Variants in GRAMD1B observed in about 807,000 individuals in gnomAD.
GRAMD1B encodes protein Aster-B.
GRAMD1B carries 37 observed loss-of-function variants against 99.7 expected under a neutral mutation model. The ratio of observed to expected loss-of-function variants is 0.37; its 90% CI spans 0.29 to 0.49. The LOEUF is 0.49. Ranked by LOEUF, GRAMD1B falls within the 20% of genes least tolerant of loss-of-function variation. GRAMD1B has a pLI of 0.98. For synonymous variants in GRAMD1B, 427 were observed against 387.6 expected (o/e 1.10, Z -1.19); for missense variants, 888 against 1,009.2 (o/e 0.88, Z 1.63).
At chr11:123,443,824 AC>A (rs1949519455) in intron 1 of GRAMD1B, among the ~76,000 whole-genome samples, 1 of 152,174 alleles carries the variant, frequency 6.6e-6, no homozygotes, top group Middle Eastern at 3.4e-3. Flanking sequence ...CTTGTGATCC[AC>A]CCGCCTTGGC....
intron 1 of GRAMD1B, among the ~76,000 whole-genome samples, chr11:123,396,541 G>T (rs1947471879): frequency 6.6e-6 from 1 of 152,194 alleles, no homozygotes; most frequent in Non-Finnish European, 1.5e-5. Context: ...CTCCCAAAGT[G>T]CTGGGATTAC....
At chr11:123,438,686 G>A (rs1425036584) in intron 1 of GRAMD1B, among the ~76,000 whole-genome samples, 1 of 152,214 alleles carries the variant, frequency 6.6e-6, no homozygotes, top group African/African-American at 2.4e-5. Context: ...CACTCAGAGG[G>A]TGCCAATTAC....
intron 2 of GRAMD1B, among the ~76,000 whole-genome samples, chr11:123,495,114 T>TACACAC (rs10695354): frequency 0.077 from 11,434 of 148,552 alleles, 464 homozygotes; most frequent in Middle Eastern, 0.12. Context: ...TATATATACA[T>TACACAC]ACACACACAC....
At chr11:123,358,543 G>C (rs995089979) in exon 1 of GRAMD1B, 1 of 152,144 alleles carries the variant, frequency 6.6e-6, no homozygotes, top group Admixed American at 6.5e-5. Flanking sequence ...TCCCGGCTCC[G>C]AGGGTGCAGC....
chr11:123,390,082 C>A (rs1947219225), intron 1 of GRAMD1B, among the ~76,000 whole-genome samples: 1 of 136,656 alleles, frequency 7.3e-6, no homozygotes, highest in Admixed American at 7.0e-5. Context: ...ATTTTAAACT[C>A]TTCTAAAATA....
At chr11:123,552,602 A>G (rs979091998) in intron 2 of GRAMD1B, among the ~76,000 whole-genome samples, 2 of 152,174 alleles carry the variant, frequency 1.3e-5, no homozygotes, top group Admixed American at 6.5e-5. Context: ...ATTACAGTAA[A>G]TGTAATCGGG....
chr11:123,412,521 C>T (rs1948087267), intron 1 of GRAMD1B, among the ~76,000 whole-genome samples: 4 of 152,192 alleles, frequency 2.6e-5, no homozygotes, highest in East Asian at 1.9e-4. Context: ...AGGATTCATG[C>T]TCAGGTCTGC....
chr11:123,562,207 G>A (rs190645606), intron 2 of GRAMD1B, among the ~76,000 whole-genome samples: 4 of 152,178 alleles, frequency 2.6e-5, no homozygotes, highest in African/African-American at 2.4e-5. Flanking sequence ...TTTTTTAAAA[G>A]CCTAAGACTA....
At chr11:123,481,476 C>A (rs115089156) in intron 2 of GRAMD1B, among the ~76,000 whole-genome samples, 2,605 of 152,030 alleles carry the variant, frequency 0.017, 41 homozygotes, top group African/African-American at 0.032. Context: ...ACAACAACAA[C>A]AAACTTTACA....
chr11:123,426,054 T>A (rs769071703), upstream of GRAMD1B, among the ~76,000 whole-genome samples: 1 of 152,228 alleles, frequency 6.6e-6, no homozygotes, highest in Non-Finnish European at 1.5e-5. Flanking sequence ...TATTTGTGGG[T>A]CTCAGGGAGG....
intron 1 of GRAMD1B, among the ~76,000 whole-genome samples, chr11:123,369,421 G>A (rs529948605): frequency 6.6e-6 from 1 of 152,236 alleles, no homozygotes; most frequent in South Asian, 2.1e-4. Flanking sequence ...AACTCAGAAG[G>A]TAACAGAATC....
intron 1 of GRAMD1B, chr11:123,358,847 T>G (rs1490183502): frequency 2.4e-4 from 37 of 152,384 alleles, no homozygotes; most frequent in African/African-American, 8.7e-4. Flanking sequence ...CACACATGGA[T>G]GCCGAGTGAT....
intron 1 of GRAMD1B, among the ~76,000 whole-genome samples, chr11:123,387,790 A>T (rs1947121706): frequency 6.6e-6 from 1 of 151,398 alleles, no homozygotes; most frequent in Admixed American, 6.6e-5. Context: ...CTTTCAAATA[A>T]CAAGGCCCAC....
intron 1 of GRAMD1B, among the ~76,000 whole-genome samples, chr11:123,413,190 G>A (rs917098603): frequency 6.6e-6 from 1 of 152,130 alleles, no homozygotes; most frequent in Non-Finnish European, 1.5e-5. Flanking sequence ...TCTGCCCTGA[G>A]CTCACCTGGT....
chr11:123,362,387 A>T (rs10893028), intron 1 of GRAMD1B, among the ~76,000 whole-genome samples: 1 of 151,604 alleles, frequency 6.6e-6, no homozygotes, highest in Non-Finnish European at 1.5e-5. Flanking sequence ...CAGCACCCTC[A>T]TGGGCTCTTG....
At chr11:123,502,505 T>C (rs1591731127) in intron 2 of GRAMD1B, among the ~76,000 whole-genome samples, 1 of 152,290 alleles carries the variant, frequency 6.6e-6, no homozygotes, top group East Asian at 1.9e-4. Context: ...GAAAATACTG[T>C]GGCACATGCC....
At chr11:123,528,687 C>T (rs17672997) in intron 2 of GRAMD1B, among the ~76,000 whole-genome samples, 31,212 of 151,914 alleles carry the variant, frequency 0.21, 3,721 homozygotes, top group East Asian at 0.29. Context: ...TGCTAGACAC[C>T]GGCTTTTTTT....
chr11:123,459,516 A>G (rs1274759171), intron 1 of GRAMD1B: 2 of 152,082 alleles, frequency 1.3e-5, no homozygotes, highest in African/African-American at 4.8e-5. Flanking sequence ...CGGCCTCCCA[A>G]ATTGTTGAGA....
In GRAMD1B at chr11:123,547,892, G is replaced by A. The variant is rs113531862; in HGVS notation, c.453-29475G>A. Among the ~76,000 whole-genome samples, 523 of 152,220 alleles carry A rather than the reference G, an allele frequency of 3.4e-3. 3 individuals are homozygous for A. The highest frequency in any genetic ancestry group is 0.014 in the Middle Eastern group (4 of 294). Reference sequence around the variant, plus strand: ...TTCTTACAGTCATGTTGTAATTTTGGTCCATGCTGAGCTTTATGGCCTTCA... The same window carrying A: ...TTCTTACAGTCATGTTGTAATTTTGATCCATGCTGAGCTTTATGGCCTTCA... On this transcript the variant is annotated intron_variant, in intron 2 of 19. Coordinates refer to ENST00000635736, the MANE Select transcript of GRAMD1B (RefSeq NM_001387025.1).
Sources: allele counts gnomAD v4.1 joint callset (sites outside exome capture counted in the v4.1 genomes callset), GRCh38; gene constraint gnomAD v4.1.1; transcripts MANE v1.5; gene names NCBI Gene and HGNC (gene_info 2026-07-23, HGNC 2026-07-21).